LRRFIP1: variants seen among roughly 807,000 people sequenced by gnomAD.
The protein encoded by LRRFIP1 is LRR binding FLII interacting protein 1.
LRRFIP1 carries 62 observed loss-of-function variants against 104.4 expected under a neutral mutation model. That is an observed-to-expected ratio of 0.59 (90% confidence interval 0.48 to 0.73). LRRFIP1 has a LOEUF of 0.73. Among genes scored for constraint, LRRFIP1 ranks in the 30% least tolerant of loss-of-function variants. LRRFIP1 has a pLI of 0.00. For missense variants in LRRFIP1, 796 were observed against 824.5 expected (o/e 0.97, Z 0.42); for synonymous variants, 300 against 299.0 (o/e 1.00, Z -0.03).
chr2:237,771,710 T>C (rs1198876329), intron 20 of LRRFIP1, among the ~76,000 whole-genome samples: 1 of 152,104 alleles, frequency 6.6e-6, no homozygotes, highest in Non-Finnish European at 1.5e-5. Context: ...ACTCGACTTT[T>C]GGGGGACTTA....
chr2:237,747,571 G>A (rs543288981), intron 11 of LRRFIP1, among the ~76,000 whole-genome samples: 2 of 152,216 alleles, frequency 1.3e-5, no homozygotes, highest in Non-Finnish European at 2.9e-5. Flanking sequence ...GCTTCATTAT[G>A]AATTATCTCT....
intron 19 of LRRFIP1, among the ~76,000 whole-genome samples, chr2:237,767,497 T>C (rs1392456480): frequency 1.3e-5 from 2 of 152,178 alleles, no homozygotes; most frequent in Non-Finnish European, 2.9e-5. Context: ...TAATTATGGG[T>C]GTATGTCAAA....
intron 1 of LRRFIP1, among the ~76,000 whole-genome samples, chr2:237,630,994 A>G (rs1368150727): frequency 6.6e-6 from 1 of 152,186 alleles, no homozygotes; most frequent in Non-Finnish European, 1.5e-5. Flanking sequence ...GCTCTTTGAC[A>G]AGGACCATGG....
At chr2:237,723,705 A>G (rs10167896) in intron 7 of LRRFIP1, 119 bp downstream of exon 7, 6 of 1,281,638 alleles carry the variant, frequency 4.7e-6, no homozygotes, top group Admixed American at 3.5e-5. Context: ...CTGGGGGGCT[A>G]TGAGGCCAGG....
chr2:237,727,351 G>A, intron 7 of LRRFIP1, among the ~76,000 whole-genome samples: 1 of 130,516 alleles, frequency 7.7e-6, no homozygotes, highest in Admixed American at 8.1e-5. Context: ...GCGAGACTCT[G>A]TCTCAAAAAA....
intron 8 of LRRFIP1, among the ~76,000 whole-genome samples, chr2:237,728,528 C>T (rs181719390): frequency 3.1e-5 from 1 of 32,222 alleles, no homozygotes; most frequent in African/African-American, 1.2e-4. Context: ...TTAGGGAGAC[C>T]GGGCGGGGGT....
At position 237,763,091 on chromosome 2, in the gene LRRFIP1, G is replaced by T. The variant is rs776930046; in HGVS notation, c.1459+2886G>T. The T allele has an allele frequency of 3.5e-5, 56 of 1,614,160 alleles. No homozygotes were observed. Among genetic ancestry groups the T allele is most frequent in the Non-Finnish European group, 4.5e-5 (53 of 1,180,044 alleles). On this transcript the variant is annotated intron_variant, in intron 19 of 23. Transcript: ENST00000308482. Reference sequence around the variant, plus strand: ...TCATGATGACAAATGTATGGTAGAGGTCCCCCAAGAGTTAGAGACAAGCAC... The same window carrying T: ...TCATGATGACAAATGTATGGTAGAGTTCCCCCAAGAGTTAGAGACAAGCAC...
At chr2:237,640,680 ACCAGATCATTGT>A (rs1033714742) in intron 1 of LRRFIP1, among the ~76,000 whole-genome samples, 4 of 152,108 alleles carry the variant, frequency 2.6e-5, no homozygotes, top group Admixed American at 2.6e-4. Context: ...AAAATAGATG[ACCAGATCATTGT>A]CTTGTTCGGA....
chr2:237,750,507 T>C (rs548438297), intron 13 of LRRFIP1, among the ~76,000 whole-genome samples: 7 of 152,064 alleles, frequency 4.6e-5, no homozygotes, highest in African/African-American at 1.7e-4. Flanking sequence ...CGGCTAACTT[T>C]TGTATTTTTA....
At chr2:237,756,215 T>C in intron 16 of LRRFIP1, 28 bp downstream of exon 16, 1 of 1,568,884 alleles carries the variant, frequency 6.4e-7, no homozygotes, top group Non-Finnish European at 8.8e-7. Context: ...GCTTTTCTTT[T>C]CCTTTTTTCC....
intron 16 of LRRFIP1, 83 bp downstream of exon 16, chr2:237,756,270 C>T: frequency 1.0e-6 from 1 of 999,318 alleles, no homozygotes; most frequent in South Asian, 1.4e-5. Flanking sequence ...GCTTAGGCTG[C>T]AGTAATAAAA....
chr2:237,702,489 T>G (rs1332716815), intron 1 of LRRFIP1, among the ~76,000 whole-genome samples: 1 of 152,110 alleles, frequency 6.6e-6, no homozygotes, highest in East Asian at 1.9e-4. Context: ...CCAGGGAGCC[T>G]GGATCTTGTC....
At chr2:237,693,953 G>A (rs1402521199) in intron 1 of LRRFIP1, among the ~76,000 whole-genome samples, 1 of 152,190 alleles carries the variant, frequency 6.6e-6, no homozygotes, top group Non-Finnish European at 1.5e-5. Flanking sequence ...GGAGAGGAAA[G>A]TCTGGACTGT....
rs150354134 is a variant in LRRFIP1 at position 237,674,672 on chromosome 2, G to A, written c.97-33872G>A. On this transcript the variant is annotated intron_variant, in intron 1 of 23. Coordinates refer to ENST00000308482, the MANE Select transcript of LRRFIP1 (RefSeq NM_001137550.2). ...TTTGGATAGATTTCCAGAGATCCCC[G>A]AAACTGAATAGGAATAAAAGGGTAG... Among the ~76,000 whole-genome samples the A allele has an allele frequency of 1.9e-4, 29 of 152,322 alleles. No homozygotes were observed. In the East Asian group the frequency reaches 5.6e-3, roughly 29 times the overall value.
At chr2:237,759,807 T>TG (rs754991852) in intron 18 of LRRFIP1, among the ~76,000 whole-genome samples, 2 of 152,138 alleles carry the variant, frequency 1.3e-5, no homozygotes, top group East Asian at 3.9e-4. Flanking sequence ...GGATGCCTGG[T>TG]GGAAGTAGCT....
intron 1 of LRRFIP1, among the ~76,000 whole-genome samples, chr2:237,675,158 A>G (rs949182853): frequency 6.6e-6 from 1 of 151,936 alleles, no homozygotes; most frequent in African/African-American, 2.4e-5. Context: ...CCGGGTCCCC[A>G]CTCCAAGCCT....
chr2:237,653,271 C>CA (rs951217728), intron 1 of LRRFIP1, among the ~76,000 whole-genome samples: 1 of 151,800 alleles, frequency 6.6e-6, no homozygotes, highest in Admixed American at 6.6e-5. Flanking sequence ...ACAATAGCTA[C>CA]AAAAAAAGCA....
At chr2:237,705,920 C>T (rs2093780925) in intron 1 of LRRFIP1, among the ~76,000 whole-genome samples, 1 of 152,234 alleles carries the variant, frequency 6.6e-6, no homozygotes, top group Admixed American at 6.5e-5. Flanking sequence ...TTCTCAAAGC[C>T]AGCAAGGACA....
At chr2:237,669,750 A>G (rs2090045038) in intron 1 of LRRFIP1, among the ~76,000 whole-genome samples, 1 of 152,160 alleles carries the variant, frequency 6.6e-6, no homozygotes, top group African/African-American at 2.4e-5. Flanking sequence ...ATGCTTAACC[A>G]CACTCCTCCC....
Sources: gnomAD v4.1 joint callset for allele counts (sites outside exome capture counted in the v4.1 genomes callset) on GRCh38, gnomAD v4.1.1 for gene constraint, MANE v1.5 for transcripts, NCBI Gene and HGNC (gene_info 2026-07-23, HGNC 2026-07-21) for gene names.